EYS: variants seen among roughly 807,000 people sequenced by gnomAD.
EYS encodes protein eyes shut homolog.
Under a neutral mutation model 282.1 loss-of-function variants are expected in EYS, and 250 were observed. The ratio of observed to expected loss-of-function variants is 0.89; its 90% CI spans 0.80 to 0.98. EYS has a LOEUF of 0.98. Among genes scored for constraint, EYS ranks in the 50% least tolerant of loss-of-function variants. The pLI, the probability that EYS is intolerant of heterozygous loss-of-function variation, is 0.00. For synonymous variants in EYS, 1,355 were observed against 1,282.9 expected, an observed-to-expected ratio of 1.06 and a Z score of -1.20; for missense variants, 4,016 against 3,709.0, an observed-to-expected ratio of 1.08 and a Z score of -2.15.
intron 19 of EYS, among the ~76,000 whole-genome samples, chr6:64,839,275 AT>A (rs551888316): frequency 1.0e-3 from 158 of 152,160 alleles, no homozygotes; most frequent in Non-Finnish European, 1.6e-3. Flanking sequence ...TCATTAGATA[AT>A]TATCAATTCC....
intron 31 of EYS, among the ~76,000 whole-genome samples, chr6:64,189,992 T>C (rs1407967378): frequency 6.6e-6 from 1 of 152,234 alleles, no homozygotes; most frequent in African/African-American, 2.4e-5. Flanking sequence ...TCAATTAATA[T>C]TTATTGATTC....
At chr6:64,515,134 T>G (rs115529908) in intron 26 of EYS, among the ~76,000 whole-genome samples, 3,278 of 151,860 alleles carry the variant, frequency 0.022, 59 homozygotes, top group African/African-American at 0.053. Flanking sequence ...AGCAAATTTG[T>G]GTAAACTAGT....
At chr6:64,077,168 T>G (rs1015141585) in intron 32 of EYS, among the ~76,000 whole-genome samples, 1 of 151,942 alleles carries the variant, frequency 6.6e-6, no homozygotes, top group East Asian at 1.9e-4. Context: ...TGGGACCCAT[T>G]AAGGAGGGAT....
intron 18 of EYS, among the ~76,000 whole-genome samples, chr6:64,898,661 A>T (rs1767552880): frequency 1.3e-5 from 2 of 151,350 alleles, no homozygotes; most frequent in East Asian, 3.9e-4. Flanking sequence ...AGACTGGCAA[A>T]TTGTATAAAG....
At chr6:65,675,737 T>C (rs1181401409) in intron 1 of EYS, among the ~76,000 whole-genome samples, 2 of 151,898 alleles carry the variant, frequency 1.3e-5, no homozygotes, top group Non-Finnish European at 2.9e-5. Context: ...AACAACACTA[T>C]AGTCTGATTG....
At chr6:64,777,796 T>G (rs1410256987) in intron 22 of EYS, among the ~76,000 whole-genome samples, 2 of 152,148 alleles carry the variant, frequency 1.3e-5, no homozygotes, top group Non-Finnish European at 2.9e-5. Context: ...CACACTATTT[T>G]AATCTGAGGA....
At chr6:65,357,389 C>T (rs955826055) in intron 8 of EYS, among the ~76,000 whole-genome samples, 29 of 151,876 alleles carry the variant, frequency 1.9e-4, no homozygotes, top group African/African-American at 6.3e-4. Context: ...GTCTATAATA[C>T]GCATGTGCAC....
intron 33 of EYS, among the ~76,000 whole-genome samples, chr6:64,020,735 T>G (rs1562155247): frequency 6.6e-6 from 1 of 152,196 alleles, no homozygotes; most frequent in Non-Finnish European, 1.5e-5. Context: ...ATTTTATTGA[T>G]AGACAGTCAA....
At chr6:65,386,492 TAAG>T (rs1257275525) in intron 7 of EYS, among the ~76,000 whole-genome samples, 2 of 151,860 alleles carry the variant, frequency 1.3e-5, no homozygotes, top group Non-Finnish European at 2.9e-5. Context: ...GCTTGAAATC[TAAG>T]AAGCACTTCC....
At chr6:65,104,810 C>T (rs1774989502) in intron 12 of EYS, among the ~76,000 whole-genome samples, 1 of 151,402 alleles carries the variant, frequency 6.6e-6, no homozygotes, top group Non-Finnish European at 1.5e-5. Context: ...TTTATATTTT[C>T]CTTTAAGAAT....
At chr6:64,771,185 T>C (rs966690256) in intron 22 of EYS, among the ~76,000 whole-genome samples, 7 of 151,762 alleles carry the variant, frequency 4.6e-5, no homozygotes, top group African/African-American at 9.7e-5. Context: ...TATATTATTG[T>C]ATATAGTATT....
chr6:64,693,837 G>A (rs919925564), intron 22 of EYS, among the ~76,000 whole-genome samples: 3 of 151,914 alleles, frequency 2.0e-5, no homozygotes, highest in African/African-American at 7.3e-5. Context: ...CTTAGATGGG[G>A]GAGAAGTAGC....
intron 11 of EYS, among the ~76,000 whole-genome samples, chr6:65,323,407 C>T (rs566282229): frequency 2.0e-5 from 3 of 151,982 alleles, no homozygotes; most frequent in African/African-American, 7.2e-5. Flanking sequence ...TTGCTATACA[C>T]AAAATTGTTT....
intron 31 of EYS, among the ~76,000 whole-genome samples, chr6:64,114,295 T>G (rs894515164): frequency 1.1e-4 from 17 of 152,230 alleles, no homozygotes; most frequent in African/African-American, 4.1e-4. Flanking sequence ...ATTTTATTTC[T>G]GGTGTTTATT....
intron 2 of EYS, among the ~76,000 whole-genome samples, chr6:65,549,931 G>A (rs1475035920): frequency 6.6e-6 from 1 of 152,136 alleles, no homozygotes; most frequent in East Asian, 1.9e-4. Context: ...CTGGAATGCA[G>A]GGAGCATTGG....
intron 12 of EYS, among the ~76,000 whole-genome samples, chr6:65,083,225 T>C (rs1217503382): frequency 6.6e-6 from 1 of 152,002 alleles, no homozygotes; most frequent in Non-Finnish European, 1.5e-5. Flanking sequence ...TGGGGAGTCC[T>C]TCAATAGAAG....
intron 12 of EYS, among the ~76,000 whole-genome samples, chr6:65,236,611 TA>T (rs35097084): frequency 0.27 from 40,284 of 149,912 alleles, 5,732 homozygotes; most frequent in African/African-American, 0.36. Flanking sequence ...CTGTCTCAAA[TA>T]AAAAAAAAAT....
chr6:65,370,423 T>A (rs1582199568), intron 8 of EYS, among the ~76,000 whole-genome samples: 2 of 113,504 alleles, frequency 1.8e-5, no homozygotes, highest in African/African-American at 2.9e-5. Context: ...ATCACACTAA[T>A]TAAAAAAAAA....
chr6:63,829,347 T>C (rs1049596320), intron 36 of EYS, among the ~76,000 whole-genome samples: 1 of 152,064 alleles, frequency 6.6e-6, no homozygotes, highest in African/African-American at 2.4e-5. Context: ...ACCTGGAAAA[T>C]TGGGACACTC....
Sources: allele counts gnomAD v4.1 joint callset (sites outside exome capture counted in the v4.1 genomes callset), GRCh38; gene constraint gnomAD v4.1.1; transcripts MANE v1.5; gene names NCBI Gene and HGNC (gene_info 2026-07-23, HGNC 2026-07-21).